COL24A1: variants seen among roughly 807,000 people sequenced by gnomAD.
The protein encoded by COL24A1 is collagen alpha-1(XXIV) chain.
A neutral mutation model predicts 253.9 loss-of-function variants in COL24A1; 224 were observed. The observed-to-expected ratio is 0.88, with a 90% CI of 0.79 to 0.99. The LOEUF (loss-of-function observed/expected upper bound fraction) is 0.99, where lower values mean the gene tolerates loss of function less well. Ranked by LOEUF, COL24A1 falls within the 50% of genes least tolerant of loss-of-function variation. The probability of loss-of-function intolerance (pLI) is 0.00; values close to 1 mark genes in which losing one functional copy is unlikely to be tolerated. For missense variants in COL24A1, 2,131 were observed against 2,068.5 expected (o/e 1.03, Z -0.59); for synonymous variants, 685 against 673.7 (o/e 1.02, Z -0.26).
At chr1:85,888,449 C>A (rs893692502) in intron 32 of COL24A1, among the ~76,000 whole-genome samples, 16 of 151,974 alleles carry the variant, frequency 1.1e-4, no homozygotes, top group African/African-American at 3.9e-4. Flanking sequence ...CTTATATATA[C>A]CAGACATTAT....
chr1:85,922,258 A>T (rs1348811580), intron 24 of COL24A1, among the ~76,000 whole-genome samples: 2 of 152,250 alleles, frequency 1.3e-5, no homozygotes, highest in African/African-American at 4.8e-5. Flanking sequence ...GGTATTATCC[A>T]TGAGAACTTC....
At chr1:85,786,927 C>G (rs1251284000) in intron 47 of COL24A1, among the ~76,000 whole-genome samples, 1 of 152,152 alleles carries the variant, frequency 6.6e-6, no homozygotes, top group Non-Finnish European at 1.5e-5. Flanking sequence ...AACAGTATAT[C>G]CTTAAAACTA....
chr1:85,976,534 T>C (rs1010644075), intron 20 of COL24A1, among the ~76,000 whole-genome samples: 5 of 152,106 alleles, frequency 3.3e-5, no homozygotes, highest in Non-Finnish European at 7.4e-5. Context: ...TCCCACCTGA[T>C]GGTACTTCTC....
At chr1:85,955,737 C>A (rs1447669366) in intron 24 of COL24A1, among the ~76,000 whole-genome samples, 1 of 152,194 alleles carries the variant, frequency 6.6e-6, no homozygotes, top group Non-Finnish European at 1.5e-5. Flanking sequence ...ATGTATCAAG[C>A]TAATTTCATG....
chr1:85,798,815 C>T (rs1570662254), intron 47 of COL24A1, among the ~76,000 whole-genome samples: 1 of 152,148 alleles, frequency 6.6e-6, no homozygotes, highest in Non-Finnish European at 1.5e-5. Flanking sequence ...CTTGATTTGT[C>T]CTTAGTCAAG....
At chr1:85,733,905 A>T (rs1173609780) in intron 59 of COL24A1, among the ~76,000 whole-genome samples, 1 of 130,566 alleles carries the variant, frequency 7.7e-6, no homozygotes, top group Non-Finnish European at 1.7e-5. Context: ...AATTTAATTT[A>T]ATTTTTTTTT....
chr1:86,121,647 T>C (rs958414813), intron 3 of COL24A1, among the ~76,000 whole-genome samples: 3 of 151,976 alleles, frequency 2.0e-5, no homozygotes, highest in Non-Finnish European at 4.4e-5. Context: ...TAGGAATATA[T>C]AGAATAAATG....
chr1:85,826,974 T>C (rs1252082261), intron 43 of COL24A1, among the ~76,000 whole-genome samples: 14 of 151,474 alleles, frequency 9.2e-5, no homozygotes, highest in South Asian at 4.2e-4. Context: ...TGAATAGGAG[T>C]GGTGAGAGAG....
In COL24A1 at chr1:86,125,517, T is replaced by C; in HGVS notation, c.819A>G (p.Leu273=). The C allele has an allele frequency of 2.5e-6, 4 of 1,613,578 alleles. No homozygotes were observed. In the South Asian group the frequency reaches 4.4e-5, roughly 18 times the overall value. ...KIPEHSPPPK[L]FAEKVLSEDT... is the part of the protein sequence containing the mutation. ...CCTCTGACAGTACTTTTTCAGCAAA[T>C]AGTTTGGGCGGGGGAGAGTGTTCCG... Residue 273 remains leucine, a synonymous_variant, in exon 3 of 60, where the codon CTA becomes CTG. Transcript: ENST00000370571.
intron 47 of COL24A1, among the ~76,000 whole-genome samples, chr1:85,791,529 T>G (rs1670275339): frequency 6.6e-6 from 1 of 152,138 alleles, no homozygotes; most frequent in Non-Finnish European, 1.5e-5. Flanking sequence ...TTTCCATATT[T>G]CAAAATCGAT....
chr1:85,915,942 A>G (rs895338627), intron 24 of COL24A1, among the ~76,000 whole-genome samples: 1 of 152,158 alleles, frequency 6.6e-6, no homozygotes, highest in African/African-American at 2.4e-5. Flanking sequence ...TCTAAGACAT[A>G]TGATCTAGGG....
At chr1:85,877,671 G>GT (rs201672658) in intron 32 of COL24A1, among the ~76,000 whole-genome samples, 2,688 of 152,252 alleles carry the variant, frequency 0.018, 78 homozygotes, top group African/African-American at 0.06. Context: ...CTTCATGTGT[G>GT]TTTTTAAAAT....
intron 20 of COL24A1, among the ~76,000 whole-genome samples, chr1:85,987,204 A>G (rs1373895616): frequency 6.6e-6 from 1 of 151,852 alleles, no homozygotes. Context: ...CTTTTGTGCT[A>G]TGTAGAGGTT....
chr1:85,855,627 C>T (rs1411468023), intron 37 of COL24A1, among the ~76,000 whole-genome samples: 8 of 152,036 alleles, frequency 5.3e-5, no homozygotes, highest in Non-Finnish European at 8.8e-5. Flanking sequence ...ATTTTGTTAT[C>T]GATTCTTGCA....
intron 19 of COL24A1, among the ~76,000 whole-genome samples, chr1:85,996,492 A>AGGGCGAAACCCCG (rs1694799171): frequency 3.5e-5 from 2 of 57,000 alleles, no homozygotes; most frequent in Non-Finnish European, 8.2e-5. Flanking sequence ...CCTGACCAAC[A>AGGGCGAAACCCCG]TGGCATGGTG....
chr1:85,816,731 T>C, intron 47 of COL24A1, 57 bp downstream of exon 47: 1 of 1,426,650 alleles, frequency 7.0e-7, no homozygotes, highest in Non-Finnish European at 9.9e-7. Flanking sequence ...ATCTATGGTC[T>C]AGCAAGGAGA....
intron 55 of COL24A1, among the ~76,000 whole-genome samples, chr1:85,759,466 C>T (rs1007078973): frequency 9.2e-5 from 14 of 152,110 alleles, no homozygotes; most frequent in Admixed American, 7.2e-4. Flanking sequence ...GTCTTATTGT[C>T]ATTTAGATGT....
chr1:85,823,144 T>C (rs1397270295), intron 45 of COL24A1, among the ~76,000 whole-genome samples: 1 of 152,184 alleles, frequency 6.6e-6, no homozygotes, highest in Non-Finnish European at 1.5e-5. Flanking sequence ...ACAATTATCA[T>C]TTAATAATTT....
chr1:85,889,708 C>A, intron 31 of COL24A1, 95 bp from the exon 32 acceptor site: 2 of 1,034,550 alleles, frequency 1.9e-6, no homozygotes, highest in Non-Finnish European at 3.0e-6. Flanking sequence ...TCCTTCCACC[C>A]AACTTTTCTG....
Sources: allele counts gnomAD v4.1 joint callset (sites outside exome capture counted in the v4.1 genomes callset), GRCh38; gene constraint gnomAD v4.1.1; transcripts MANE v1.5; gene names NCBI Gene and HGNC (gene_info 2026-07-23, HGNC 2026-07-21).